The following GSTCD variants were observed in gnomAD, a reference collection of about 807,000 sequenced individuals.
The protein encoded by GSTCD is glutathione S-transferase C-terminal domain containing.
In GSTCD, 44 loss-of-function variants were observed where a neutral mutation model predicts 68.3. That is an observed-to-expected ratio of 0.64 (90% CI 0.51 to 0.83). The LOEUF is 0.83. Among genes scored for constraint, GSTCD ranks in the 40% least tolerant of loss-of-function variants. The pLI is 0.00. For missense variants in GSTCD, 739 were observed against 735.9 expected (o/e 1.00, Z -0.05); for synonymous variants, 273 against 255.2 (o/e 1.07, Z -0.67).
chr4:105,784,640 C>T (rs1735397258), intron 5 of GSTCD, among the ~76,000 whole-genome samples: 1 of 152,176 alleles, frequency 6.6e-6, no homozygotes. Flanking sequence ...TTCTAGCACC[C>T]ATAATTTATT....
chr4:105,826,120 A>C (rs1723593370), intron 8 of GSTCD: 1 of 153,642 alleles, frequency 6.5e-6, no homozygotes, highest in South Asian at 2.1e-4. Flanking sequence ...GCCTTGGTTT[A>C]TTCTGCATTT....
chr4:105,840,075 G>C, intron 10 of GSTCD: 1 of 362,512 alleles, frequency 2.8e-6, no homozygotes, highest in Non-Finnish European at 5.6e-6. Flanking sequence ...CCTTTACTGA[G>C]TACCTACCAT....
At position 105,719,051 on chromosome 4, in the gene GSTCD, G is replaced by A. The variant is rs1443123008; in HGVS notation, c.427-9G>A. 7 of 1,562,846 alleles carry A rather than the reference G, an allele frequency of 4.5e-6. No homozygotes were observed. Among genetic ancestry groups the A allele is most frequent in the Non-Finnish European group, 6.1e-6 (7 of 1,155,394 alleles). ...TCTTTTCATTTCTTGTTTTGTTTTT[G>A]TTTTGTAGGTTAGTCAGTGGACCAG... On this transcript the variant is annotated splice_polypyrimidine_tract_variant and intron_variant, in intron 2 of 11. Transcript: ENST00000515279.
At chr4:105,727,394 C>T (rs952485102) in intron 4 of GSTCD, among the ~76,000 whole-genome samples, 6 of 151,760 alleles carry the variant, frequency 4.0e-5, no homozygotes, top group Non-Finnish European at 7.4e-5. Context: ...TGTGGTGGCA[C>T]GTGCCTGTGG....
chr4:105,719,179 G>A lies in GSTCD; in HGVS notation c.546G>A (p.Lys182=). 1 of 1,614,050 alleles carries A rather than the reference G, an allele frequency of 6.2e-7. No individual in the cohort carries two copies. The highest frequency in any genetic ancestry group is 1.3e-5 in the African/African-American group (1 of 75,024). The stretch of plus-strand genomic sequence containing the variant: ...TAGAAATACTACAGCTAGAGAAAAA[G>A]CTTAGTGAGCCTGTTAGAGTGCATA... ...IPVEILQLEK[K]LSEPVRVHND... The change falls in exon 3 of 12, where the codon AAG becomes AAA. Residue 182 remains lysine, a synonymous_variant. Coordinates refer to ENST00000515279, the MANE Select transcript of GSTCD (RefSeq NM_001370181.1).
intron 5 of GSTCD, among the ~76,000 whole-genome samples, chr4:105,796,153 G>T (rs369383958): frequency 1.3e-5 from 2 of 152,296 alleles, no homozygotes; most frequent in Middle Eastern, 3.4e-3. Context: ...CAATAATGAC[G>T]AAAGACAAGG....
At chr4:105,780,075 A>G (rs1456868357) in intron 5 of GSTCD, among the ~76,000 whole-genome samples, 1 of 152,218 alleles carries the variant, frequency 6.6e-6, no homozygotes, top group East Asian at 1.9e-4. Context: ...TTGCCAACAA[A>G]TACATGTTAA....
intron 5 of GSTCD, among the ~76,000 whole-genome samples, chr4:105,812,090 T>A (rs763728399): frequency 6.6e-6 from 1 of 152,192 alleles, no homozygotes; most frequent in Non-Finnish European, 1.5e-5. Flanking sequence ...ATCAGTATGA[T>A]GTTTCAAACC....
chr4:105,843,229 G>A (rs1225239598), intron 11 of GSTCD, among the ~76,000 whole-genome samples: 1 of 152,144 alleles, frequency 6.6e-6, no homozygotes, highest in Non-Finnish European at 1.5e-5. Context: ...GAGACTCAAG[G>A]AGTAAGTGAT....
intron 5 of GSTCD, among the ~76,000 whole-genome samples, chr4:105,798,845 A>G (rs185781525): frequency 1.3e-5 from 2 of 152,216 alleles, no homozygotes; most frequent in African/African-American, 4.8e-5. Context: ...CAGCTGTATG[A>G]GTCCCTAACA....
intron 1 of GSTCD, among the ~76,000 whole-genome samples, chr4:105,713,779 C>G: frequency 6.6e-6 from 1 of 151,756 alleles, no homozygotes; most frequent in South Asian, 2.1e-4. Context: ...AAAAACAAAA[C>G]ACAGGTTAAT....
chr4:105,729,887 T>G lies in GSTCD; in HGVS notation c.1240+388T>G, dbSNP rs550007741. Among the ~76,000 whole-genome samples the G allele has an allele frequency of 1.5e-4, 23 of 152,174 alleles. No individual in the cohort carries two copies. In the East Asian group the frequency reaches 4.3e-3, roughly 28 times the overall value. On this transcript the variant is annotated intron_variant, in intron 5 of 11. Coordinates refer to ENST00000515279, the MANE Select transcript of GSTCD (RefSeq NM_001370181.1). ...TAGGTATATCTCCTAATGCTATCCCTCCCCACTCCCCCTACCCCACAACAG... is the reference window on the plus strand; with the variant it reads ...TAGGTATATCTCCTAATGCTATCCCGCCCCACTCCCCCTACCCCACAACAG...
intron 10 of GSTCD, 39 bp from the exon 11 acceptor site, chr4:105,842,026 G>C (rs1380568991): frequency 6.7e-7 from 1 of 1,501,538 alleles, no homozygotes; most frequent in Non-Finnish European, 9.3e-7. Flanking sequence ...TGAAGCAGAA[G>C]ATAAAAATAA....
At chr4:105,712,607 G>A (rs1732570599) in intron 1 of GSTCD, 1 of 152,254 alleles carries the variant, frequency 6.6e-6, no homozygotes, top group South Asian at 2.1e-4. Context: ...TTTATGGAAA[G>A]TGGAGGAAAA....
chr4:105,845,487 A>C lies in GSTCD; in HGVS notation c.1812A>C (p.Ala604=). ...CLVDLDRARA[A]EECGYSVQVI... Reference sequence around the variant, plus strand: ...TGGATCTGGATCGAGCAAGAGCTGCAGAAGAATGTGGATACTCCGTTCAAG... The same window carrying C: ...TGGATCTGGATCGAGCAAGAGCTGCCGAAGAATGTGGATACTCCGTTCAAG... Residue 604 remains alanine, a synonymous_variant, in exon 12 of 12, where the codon GCA becomes GCC. Coordinates refer to ENST00000515279, the MANE Select transcript of GSTCD (RefSeq NM_001370181.1). 1.2e-6 allele frequency: 2 copies of C among 1,614,168 alleles called. No individual in the cohort carries two copies. Among genetic ancestry groups the C allele is most frequent in the South Asian group, 1.1e-5 (1 of 91,086 alleles).
chr4:105,816,726 CAATT>C, intron 5 of GSTCD, among the ~76,000 whole-genome samples: 1 of 152,086 alleles, frequency 6.6e-6, no homozygotes, highest in Admixed American at 6.5e-5. Context: ...TCTGACATCA[CAATT>C]AATTAAAAGC....
At chr4:105,745,348 A>G (rs751776199) in intron 5 of GSTCD, among the ~76,000 whole-genome samples, 1 of 152,246 alleles carries the variant, frequency 6.6e-6, no homozygotes. Context: ...GAAAGGTTTT[A>G]GTTAGTATTA....
intron 10 of GSTCD, among the ~76,000 whole-genome samples, chr4:105,840,634 G>A (rs1314122791): frequency 1.3e-5 from 2 of 152,106 alleles, no homozygotes; most frequent in Admixed American, 1.3e-4. Flanking sequence ...AGTTGTCGTG[G>A]GATCATTGCT....
intron 5 of GSTCD, among the ~76,000 whole-genome samples, chr4:105,746,867 A>G (rs1733822256): frequency 6.6e-6 from 1 of 152,224 alleles, no homozygotes; most frequent in Non-Finnish European, 1.5e-5. Context: ...TGTATAACTA[A>G]TAAAAATTGG....
Sources: gnomAD v4.1 joint callset for allele counts (sites outside exome capture counted in the v4.1 genomes callset) on GRCh38, gnomAD v4.1.1 for gene constraint, MANE v1.5 for transcripts, NCBI Gene and HGNC (gene_info 2026-07-23, HGNC 2026-07-21) for gene names.